Variants in STK10 observed in about 807,000 individuals in gnomAD.
STK10 encodes serine/threonine kinase 10.
In STK10, 78 loss-of-function variants were observed where a neutral mutation model predicts 113.8. That is an observed-to-expected ratio of 0.69 (90% confidence interval 0.57 to 0.83). The LOEUF (loss-of-function observed/expected upper bound fraction) is 0.83, where lower values mean the gene tolerates loss of function less well. Ranked by LOEUF, STK10 falls within the 40% of genes least tolerant of loss-of-function variation. STK10 has a pLI of 0.00. For synonymous variants in STK10, 465 were observed against 494.7 expected, an observed-to-expected ratio of 0.94 and a Z score of 0.80; for missense variants, 1,109 against 1,280.1, an observed-to-expected ratio of 0.87 and a Z score of 2.04.
At chr5:172,166,932 C>T (rs986228087) in intron 1 of STK10, among the ~76,000 whole-genome samples, 54 of 150,636 alleles carry the variant, frequency 3.6e-4, no homozygotes, top group Admixed American at 3.0e-3. Context: ...GGGGCTGAGG[C>T]GGGCGGATCA....
chr5:172,089,280 C>A (rs1306660120), intron 10 of STK10, among the ~76,000 whole-genome samples: 4 of 152,228 alleles, frequency 2.6e-5, no homozygotes, highest in Admixed American at 2.6e-4. Context: ...GTACCACAAT[C>A]AGGGATTATC....
chr5:172,156,568 C>A, intron 2 of STK10, 56 bp downstream of exon 2: 1 of 1,570,014 alleles, frequency 6.4e-7, no homozygotes. Flanking sequence ...ACCAGGCTAG[C>A]TCCAGAGCAC....
At position 172,070,755 on chromosome 5, in the gene STK10, T is replaced by G. The variant is rs148818861; in HGVS notation, c.1990-5943A>C. The stretch of plus-strand genomic sequence containing the variant: ...GAGGAGAGGAGGAGGAGAAGGAGGA[T>G]GAGAAGATGACAATACAAAATACCA... On this transcript the variant is annotated intron_variant, in intron 12 of 18. Coordinates refer to ENST00000176763, the MANE Select transcript of STK10 (RefSeq NM_005990.4). Among the ~76,000 whole-genome samples, 657 of 151,586 alleles carry G rather than the reference T, an allele frequency of 4.3e-3. 5 individuals carry two copies. Among genetic ancestry groups the G allele is most frequent in the African/African-American group, 0.015 (606 of 41,378 alleles).
intron 1 of STK10, among the ~76,000 whole-genome samples, chr5:172,175,417 C>T (rs1703723250): frequency 6.6e-6 from 1 of 152,076 alleles, no homozygotes; most frequent in Admixed American, 6.6e-5. Context: ...GGAAGCCTTT[C>T]AGCACTCACC....
chr5:172,138,990 G>A lies in STK10; in HGVS notation c.322-11569C>T, dbSNP rs1226369969. ...GATCACACCACTGCACTCCAGTCTG[G>A]GCGACAGAGCGAGACTCCGTCTCAA... is the stretch of plus-strand genomic sequence containing the variant. On this transcript the variant is annotated intron_variant, in intron 2 of 18. Transcript: ENST00000176763. Among the ~76,000 whole-genome samples, 5 of 152,134 alleles carry A rather than the reference G, an allele frequency of 3.3e-5. No homozygotes were observed. In the East Asian group the frequency reaches 9.6e-4, roughly 29 times the overall value.
chr5:172,120,404 G>C lies in STK10; in HGVS notation c.371-2774C>G, dbSNP rs947063105. Among the ~76,000 whole-genome samples, 6 of 152,198 alleles carry C rather than the reference G, an allele frequency of 3.9e-5. No homozygotes were observed. The highest frequency in any genetic ancestry group is 2.0e-4 in the Admixed American group (3 of 15,274). On this transcript the variant is annotated intron_variant, in intron 3 of 18. Transcript: ENST00000176763. The surrounding 1 kb of genome is among the most constrained non-coding windows in gnomAD (Gnocchi z 4.0). ...CCCTGCTCTGGGAAGCCAGGCCCCA[G>C]ACCAGGGCTCCTGGACCAGGGACCC...
intron 18 of STK10, among the ~76,000 whole-genome samples, chr5:172,052,065 C>T (rs1181276709): frequency 1.3e-5 from 2 of 152,216 alleles, no homozygotes; most frequent in Non-Finnish European, 2.9e-5. Flanking sequence ...GGTGGAACCT[C>T]TGAATGTGGT....
intron 18 of STK10, among the ~76,000 whole-genome samples, chr5:172,048,001 C>G (rs770543710): frequency 2.1e-5 from 3 of 144,076 alleles, no homozygotes; most frequent in South Asian, 2.2e-4. Flanking sequence ...CTCCCGGGTT[C>G]AAGCCATTCT....
rs1413156173 is a variant in STK10 at position 172,149,520 on chromosome 5, GTC to G, written c.321+7102_321+7103del. Among the ~76,000 whole-genome samples the G allele has an allele frequency of 6.1e-3, 868 of 142,658 alleles. 10 individuals are homozygous for G. Among genetic ancestry groups the G allele is most frequent in the African/African-American group, 0.021 (779 of 37,596 alleles). The allele number at this position is 142,658 out of a possible 152,430, so 93.6% of individuals were successfully genotyped here. ...CGTGTGTGTGTGTGTGTGTGTGTGT[GTC>G]TGTGTGTGTGTGTGTGTGTGTCCCA... On this transcript the variant is annotated intron_variant, in intron 2 of 18. Transcript: ENST00000176763.
intron 3 of STK10, among the ~76,000 whole-genome samples, chr5:172,126,419 C>T (rs530055556): frequency 9.1e-4 from 139 of 152,200 alleles, no homozygotes; most frequent in African/African-American, 3.1e-3. Context: ...CAAAAATTAG[C>T]CGGGCATGGT....
chr5:172,070,947 T>A (rs1768163622), intron 12 of STK10, among the ~76,000 whole-genome samples: 1 of 151,472 alleles, frequency 6.6e-6, no homozygotes. Flanking sequence ...CCAGGGGCGG[T>A]GGTGTATCCC....
At chr5:172,063,142 T>A (rs1210760627) in intron 13 of STK10, among the ~76,000 whole-genome samples, 1 of 151,778 alleles carries the variant, frequency 6.6e-6, no homozygotes, top group East Asian at 1.9e-4. Flanking sequence ...CCCAGCTACT[T>A]GGGAGGCTGA....
intron 2 of STK10, among the ~76,000 whole-genome samples, chr5:172,128,096 C>T (rs1769664403): frequency 6.6e-6 from 1 of 152,124 alleles, no homozygotes; most frequent in African/African-American, 2.4e-5. Flanking sequence ...TCTAGGCCCT[C>T]AAGGGGCTCC....
In STK10 at chr5:172,187,309, C is replaced by G. The variant is rs538440936; in HGVS notation, c.156+578G>C. Among the ~76,000 whole-genome samples, 3 of 152,256 alleles carry G rather than the reference C, an allele frequency of 2.0e-5. No individual in the cohort carries two copies. The South Asian group carries it at 6.2e-4, about 32-fold the overall frequency. ...AGCATTCACCAGATCCTGACCTCCC[C>G]CTCTGACCAGCCCCAACCCACCTTT... On this transcript the variant is annotated intron_variant, in intron 1 of 18. Transcript: ENST00000176763. This position sits in a 1 kb window ranked among gnomAD's most constrained non-coding sequence, Gnocchi z 4.6.
intron 2 of STK10, among the ~76,000 whole-genome samples, chr5:172,153,727 G>T (rs116546595): frequency 2.2e-4 from 33 of 152,230 alleles, no homozygotes; most frequent in Non-Finnish European, 4.4e-4. Context: ...CACAAGATGC[G>T]CCTGAGAACC....
chr5:172,064,354 T>C (rs1371436157), intron 13 of STK10: 1 of 252,212 alleles, frequency 4.0e-6, no homozygotes, highest in Non-Finnish European at 7.8e-6. Context: ...CATCACAAGT[T>C]TGATGTCCTT....
intron 2 of STK10, among the ~76,000 whole-genome samples, chr5:172,147,293 C>T (rs965649479): frequency 6.6e-6 from 1 of 151,942 alleles, no homozygotes; most frequent in Non-Finnish European, 1.5e-5. Flanking sequence ...ATGAAGACTT[C>T]GTTACACAGG....
chr5:172,104,200 C>T (rs760130226), intron 7 of STK10, among the ~76,000 whole-genome samples: 1 of 152,224 alleles, frequency 6.6e-6, no homozygotes, highest in African/African-American at 2.4e-5. Flanking sequence ...GGACCGGAGC[C>T]GACACGGCAG....
intron 7 of STK10, 86 bp from the exon 8 acceptor site, chr5:172,096,646 GA>G (rs1768863266): frequency 1.3e-6 from 2 of 1,557,608 alleles, no homozygotes; most frequent in Non-Finnish European, 8.7e-7. Context: ...CCCCGGGGCA[GA>G]AAAGGCCAGC....
Sources: gnomAD v4.1 joint callset for allele counts (sites outside exome capture counted in the v4.1 genomes callset) on GRCh38, gnomAD v4.1.1 for gene constraint, Gnocchi (gnomAD v3.1) non-coding constraint, MANE v1.5 for transcripts, NCBI Gene and HGNC (gene_info 2026-07-23, HGNC 2026-07-21) for gene names.